The following HMCN1 variants were observed in gnomAD, a reference collection of about 807,000 sequenced individuals.
HMCN1 encodes the protein hemicentin-1.
A neutral mutation model predicts 625.9 loss-of-function variants in HMCN1; 321 were observed. The ratio of observed to expected loss-of-function variants is 0.51; its 90% CI spans 0.47 to 0.56. HMCN1 has a LOEUF of 0.56. HMCN1 is among the 20% of genes least tolerant of loss of function. The pLI, the probability that HMCN1 is intolerant of heterozygous loss-of-function variation, is 0.00. For synonymous variants in HMCN1, 2,425 were observed against 2,417.6 expected (o/e 1.00, Z -0.09); for missense variants, 6,588 against 6,887.3 (o/e 0.96, Z 1.54).
intron 20 of HMCN1, 28 bp from the exon 21 acceptor site, chr1:185,989,460 A>C (rs1039973791): frequency 2.5e-6 from 4 of 1,611,878 alleles, no homozygotes; most frequent in African/African-American, 1.4e-5. Context: ...CAAACAAAAA[A>C]CCCTTTGCTT....
At chr1:185,943,012 G>A (rs1443715865) in intron 11 of HMCN1, among the ~76,000 whole-genome samples, 2 of 151,958 alleles carry the variant, frequency 1.3e-5, no homozygotes, top group Admixed American at 6.6e-5. Context: ...TTCTGACATA[G>A]GATGTTTGCC....
At chr1:186,123,319 A>C in intron 81 of HMCN1, 99 bp downstream of exon 81, 1 of 1,409,382 alleles carries the variant, frequency 7.1e-7, no homozygotes, top group East Asian at 2.5e-5. Context: ...AAACCCTTAA[A>C]CTCAGTAATC....
At chr1:185,949,279 C>T (rs1668515877) in intron 11 of HMCN1, among the ~76,000 whole-genome samples, 1 of 151,754 alleles carries the variant, frequency 6.6e-6, no homozygotes, top group East Asian at 1.9e-4. Context: ...TATGACTAGA[C>T]AGAAGATAGT....
chr1:185,823,215 T>G (rs1660301577), intron 1 of HMCN1, among the ~76,000 whole-genome samples: 3 of 152,138 alleles, frequency 2.0e-5, no homozygotes, highest in Non-Finnish European at 2.9e-5. Flanking sequence ...ACTGGAAATT[T>G]TGAATAGATG....
chr1:185,762,494 T>G (rs1334065206), intron 1 of HMCN1, among the ~76,000 whole-genome samples: 5 of 152,148 alleles, frequency 3.3e-5, no homozygotes, highest in Non-Finnish European at 7.4e-5. Flanking sequence ...AAACTTTGGC[T>G]CTGATAGTCA....
chr1:186,049,372 G>T (rs1656794958), intron 42 of HMCN1, among the ~76,000 whole-genome samples: 1 of 151,696 alleles, frequency 6.6e-6, no homozygotes, highest in African/African-American at 2.4e-5. Context: ...CAGCTAAAAA[G>T]CATTCCCATT....
At chr1:185,892,043 C>T (rs1053876637) in intron 4 of HMCN1, among the ~76,000 whole-genome samples, 1 of 151,458 alleles carries the variant, frequency 6.6e-6, no homozygotes, top group Non-Finnish European at 1.5e-5. Context: ...CTTTCCTTCT[C>T]GCTTCATTTC....
intron 2 of HMCN1, among the ~76,000 whole-genome samples, chr1:185,861,357 G>T (rs1662856408): frequency 1.3e-5 from 2 of 152,140 alleles, no homozygotes; most frequent in African/African-American, 4.8e-5. Flanking sequence ...ATTAGTAAAA[G>T]ACATTTAATC....
At chr1:185,797,692 C>T (rs1463853736) in intron 1 of HMCN1, among the ~76,000 whole-genome samples, 3 of 128,386 alleles carry the variant, frequency 2.3e-5, no homozygotes, top group South Asian at 2.2e-4. Flanking sequence ...TTTGGCCGGG[C>T]GCGGTGGCTC....
chr1:185,869,857 C>A (rs1663499453), intron 4 of HMCN1, among the ~76,000 whole-genome samples: 1 of 152,072 alleles, frequency 6.6e-6, no homozygotes, highest in Non-Finnish European at 1.5e-5. Context: ...GCCACACATG[C>A]ACTGAGTCCT....
At chr1:185,761,034 A>C (rs76223576) in intron 1 of HMCN1, among the ~76,000 whole-genome samples, 5,866 of 152,192 alleles carry the variant, frequency 0.039, 331 homozygotes, top group African/African-American at 0.13. Context: ...TTCCAGTAGA[A>C]AGTGGGTATG....
At position 186,000,254 on chromosome 1, in the gene HMCN1, A is replaced by C; in HGVS notation, c.4069+15A>C. The C allele has an allele frequency of 1.3e-6, 2 of 1,596,560 alleles. No individual in the cohort carries two copies. The highest frequency in any genetic ancestry group is 1.7e-6 in the Non-Finnish European group (2 of 1,164,624). On this transcript the variant is annotated intron_variant, in intron 26 of 106. Coordinates refer to ENST00000271588, the MANE Select transcript of HMCN1 (RefSeq NM_031935.3). ...CAAAGTCCATGGTAAATGTAGCTAA[A>C]ATCATGTAACTGACTGTTTGCCAGT...
intron 105 of HMCN1, among the ~76,000 whole-genome samples, chr1:186,186,839 A>G (rs952877561): frequency 2.0e-5 from 3 of 152,162 alleles, no homozygotes; most frequent in African/African-American, 7.2e-5. Context: ...GTGTATCACC[A>G]GGGGAACGAG....
At chr1:186,182,965 T>G (rs189647410) in intron 105 of HMCN1, among the ~76,000 whole-genome samples, 66 of 152,288 alleles carry the variant, frequency 4.3e-4, no homozygotes, top group Admixed American at 1.3e-3. Context: ...CACAAAAATG[T>G]GAAAGGAGCA....
chr1:185,862,801 T>C (rs943883145), intron 2 of HMCN1, among the ~76,000 whole-genome samples: 3 of 152,176 alleles, frequency 2.0e-5, no homozygotes, highest in African/African-American at 7.2e-5. Context: ...AAAGTGAAGA[T>C]CAGGTTACTA....
intron 1 of HMCN1, among the ~76,000 whole-genome samples, chr1:185,836,964 C>T (rs1661205736): frequency 6.6e-6 from 1 of 150,504 alleles, no homozygotes; most frequent in Non-Finnish European, 1.5e-5. Context: ...TGATCTTGTC[C>T]TTTTTTATGA....
In HMCN1 at chr1:185,753,771, A is replaced by G. The variant is rs555265137; in HGVS notation, c.268+18724A>G. 9.1e-4 allele frequency among the ~76,000 whole-genome samples: 139 copies of G among 152,358 alleles called. 1 individual carries two copies. The highest frequency in any genetic ancestry group is 3.2e-3 in the African/African-American group (135 of 41,594). ...ATGGCTGCTGTCAAAAAGATGAAAGATAAGTCTTTCTAAGGATGTGGTGGA... is the reference window on the plus strand; with the variant it reads ...ATGGCTGCTGTCAAAAAGATGAAAGGTAAGTCTTTCTAAGGATGTGGTGGA... On this transcript the variant is annotated intron_variant, in intron 1 of 106. Coordinates refer to ENST00000271588, the MANE Select transcript of HMCN1 (RefSeq NM_031935.3).
chr1:186,028,768 G>C (rs1655226447), intron 36 of HMCN1, among the ~76,000 whole-genome samples: 1 of 141,156 alleles, frequency 7.1e-6, no homozygotes, highest in South Asian at 2.2e-4. Context: ...ACTGTTGCCT[G>C]GGCTGGAGTA....
At chr1:185,823,381 G>T (rs1343295994) in intron 1 of HMCN1, among the ~76,000 whole-genome samples, 1 of 152,150 alleles carries the variant, frequency 6.6e-6, no homozygotes, top group Non-Finnish European at 1.5e-5. Context: ...AAACAACTGT[G>T]AAAGTGTAGG....
Sources: gnomAD v4.1 joint callset for allele counts (sites outside exome capture counted in the v4.1 genomes callset) on GRCh38, gnomAD v4.1.1 for gene constraint, MANE v1.5 for transcripts, NCBI Gene and HGNC (gene_info 2026-07-23, HGNC 2026-07-21) for gene names.